The following HNRNPM variants were observed in gnomAD, a reference collection of about 807,000 sequenced individuals.
HNRNPM encodes CEA receptor.
Under a neutral mutation model 73.1 loss-of-function variants are expected in HNRNPM, and 11 were observed. That is an observed-to-expected ratio of 0.15 (90% CI 0.09 to 0.25). The LOEUF (loss-of-function observed/expected upper bound fraction) is 0.25. HNRNPM is among the 10% of genes least tolerant of loss of function. The probability of loss-of-function intolerance (pLI) is 1.00; values close to 1 mark genes in which losing one functional copy is unlikely to be tolerated. For synonymous variants in HNRNPM, 407 were observed against 355.2 expected, an observed-to-expected ratio of 1.15 and a Z score of -1.64; for missense variants, 789 against 1,067.9, an observed-to-expected ratio of 0.74 and a Z score of 3.64.
At chr19:8,447,809 G>C (rs1413209775) in intron 1 of HNRNPM, among the ~76,000 whole-genome samples, 1 of 152,136 alleles carries the variant, frequency 6.6e-6, no homozygotes, top group Non-Finnish European at 1.5e-5. Flanking sequence ...GGCAGATCAC[G>C]AGGTCAGGAG....
At chr19:8,447,831 C>T (rs1293436529) in intron 1 of HNRNPM, among the ~76,000 whole-genome samples, 1 of 152,178 alleles carries the variant, frequency 6.6e-6, no homozygotes, top group African/African-American at 2.4e-5. Flanking sequence ...TAGAGACCAT[C>T]CTGGCTAACA....
At chr19:8,466,590 G>A (rs1360938434) in intron 7 of HNRNPM, among the ~76,000 whole-genome samples, 1 of 152,104 alleles carries the variant, frequency 6.6e-6, no homozygotes, top group Non-Finnish European at 1.5e-5. Flanking sequence ...CACTTCGGGA[G>A]GCCAAGGCGG....
rs184776492 is a variant in HNRNPM at position 8,468,484 on chromosome 19, C to T, written c.835-290C>T. ...GTTTTTTGAATAGATGATAGATTCA[C>T]GTGACTCAAAAGTCAAAAGGCATGA... On this transcript the variant is annotated intron_variant, in intron 8 of 15. Transcript: ENST00000325495. Among the ~76,000 whole-genome samples the T allele has an allele frequency of 6.6e-4, 101 of 152,274 alleles. No individual in the cohort carries two copies. In the East Asian group the frequency reaches 0.011, roughly 17 times the overall value.
intron 1 of HNRNPM, among the ~76,000 whole-genome samples, chr19:8,446,702 C>G (rs1968213265): frequency 6.6e-6 from 1 of 152,176 alleles, no homozygotes; most frequent in Admixed American, 6.6e-5. Flanking sequence ...TGCGCCCTGC[C>G]TAGTTGAGCG....
At chr19:8,448,072 A>G (rs1418769187) in intron 1 of HNRNPM, among the ~76,000 whole-genome samples, 1 of 152,198 alleles carries the variant, frequency 6.6e-6, no homozygotes, top group African/African-American at 2.4e-5. Flanking sequence ...TAGAGTTTTA[A>G]GGTTGGAGCA....
intron 1 of HNRNPM, among the ~76,000 whole-genome samples, chr19:8,449,291 GA>G (rs1416806898): frequency 6.6e-6 from 1 of 152,020 alleles, no homozygotes; most frequent in Non-Finnish European, 1.5e-5. Flanking sequence ...GTTTTTTTGG[GA>G]GGGGGGGTTC....
chr19:8,468,641 C>CT (rs1969922229), intron 8 of HNRNPM, 133 bp from the exon 9 acceptor site: 1 of 674,852 alleles, frequency 1.5e-6, no homozygotes, highest in Non-Finnish European at 2.7e-6. Flanking sequence ...CCTTTCTACC[C>CT]TTGCGTATTA....
At chr19:8,459,529 T>G (rs1291992998) in intron 2 of HNRNPM, among the ~76,000 whole-genome samples, 1 of 152,152 alleles carries the variant, frequency 6.6e-6, no homozygotes, top group East Asian at 1.9e-4. Context: ...CGTTATGAGA[T>G]GAAGAATGTT....
intron 5 of HNRNPM, among the ~76,000 whole-genome samples, chr19:8,464,963 A>G (rs1969643239): frequency 6.6e-6 from 1 of 152,184 alleles, no homozygotes; most frequent in Admixed American, 6.5e-5. Context: ...ACAAAACCCC[A>G]TTGATGAATT....
intron 12 of HNRNPM, chr19:8,481,572 G>A (rs1387546600): frequency 6.6e-6 from 1 of 152,246 alleles, no homozygotes; most frequent in African/African-American, 2.4e-5. Flanking sequence ...TTAGTTGGAA[G>A]CTTGATCTAG....
At chr19:8,477,609 G>T (rs963959163) in intron 12 of HNRNPM, among the ~76,000 whole-genome samples, 1 of 145,648 alleles carries the variant, frequency 6.9e-6, no homozygotes, top group Non-Finnish European at 1.5e-5. Context: ...GCATGATCAC[G>T]CCACTGCATT....
At chr19:8,481,104 G>A (rs1056713490) in intron 12 of HNRNPM, among the ~76,000 whole-genome samples, 2 of 152,108 alleles carry the variant, frequency 1.3e-5, no homozygotes, top group Admixed American at 6.6e-5. Context: ...TTTCCTACTC[G>A]GTGCCCCTTC....
chr19:8,478,804 GC>G (rs1970690408), intron 12 of HNRNPM, among the ~76,000 whole-genome samples: 1 of 152,094 alleles, frequency 6.6e-6, no homozygotes, highest in Non-Finnish European at 1.5e-5. Flanking sequence ...GTGTTTCATG[GC>G]CCTCTGGCTC....
chr19:8,464,351 T>C (rs1232425877), intron 5 of HNRNPM, among the ~76,000 whole-genome samples: 6 of 152,206 alleles, frequency 3.9e-5, no homozygotes, highest in Non-Finnish European at 1.5e-5. Flanking sequence ...ATTAAATCCC[T>C]CTTGGCTGGG....
chr19:8,454,283 A>G (rs746724068), intron 1 of HNRNPM, among the ~76,000 whole-genome samples: 7 of 152,098 alleles, frequency 4.6e-5, no homozygotes, highest in Non-Finnish European at 8.8e-5. Context: ...CTTTCTGTGT[A>G]TGGATTTGCT....
chr19:8,453,700 A>AGGCT (rs1398366847), intron 1 of HNRNPM, among the ~76,000 whole-genome samples: 1 of 152,176 alleles, frequency 6.6e-6, no homozygotes, highest in Non-Finnish European at 1.5e-5. Context: ...AGAAGGTGCA[A>AGGCT]GGCTCAGTTG....
Position 8,466,223 on chromosome 19 carries a change from T to G in HNRNPM, c.631-12T>G, listed in dbSNP as rs1332258569. The G allele has an allele frequency of 1.9e-6, 3 of 1,608,950 alleles. No homozygotes were observed. The highest frequency in any genetic ancestry group is 2.5e-6 in the Non-Finnish European group (3 of 1,178,350). ...TTACATTGAGGTTTTTACCCCGTTC[T>G]CTCTCGATTAGCTGGATTATAAAGT... On this transcript the variant is annotated splice_polypyrimidine_tract_variant and intron_variant, in intron 6 of 15. Coordinates refer to ENST00000325495, the MANE Select transcript of HNRNPM (RefSeq NM_005968.5).
chr19:8,479,526 G>A (rs1970753607), intron 12 of HNRNPM, among the ~76,000 whole-genome samples: 1 of 151,888 alleles, frequency 6.6e-6, no homozygotes, highest in African/African-American at 2.4e-5. Context: ...GAGTACAGTG[G>A]GTATGATCTC....
At chr19:8,458,985 G>A (rs1044566395) in intron 2 of HNRNPM, among the ~76,000 whole-genome samples, 1 of 152,170 alleles carries the variant, frequency 6.6e-6, no homozygotes, top group Non-Finnish European at 1.5e-5. Flanking sequence ...TGCCCAGGCT[G>A]GAATGAAGTG....
Sources: allele counts gnomAD v4.1 joint callset (sites outside exome capture counted in the v4.1 genomes callset), GRCh38; gene constraint gnomAD v4.1.1; transcripts MANE v1.5; gene names NCBI Gene and HGNC (gene_info 2026-07-23, HGNC 2026-07-21).